Variants in CEP112 observed in about 807,000 individuals in gnomAD.
CEP112 encodes the protein centrosomal protein 112.
CEP112 carries 127 observed loss-of-function variants against 153.0 expected under a neutral mutation model. The observed-to-expected ratio is 0.83, with a 90% CI of 0.72 to 0.96. CEP112 has a LOEUF of 0.96. Ranked by LOEUF, CEP112 falls within the 40% of genes least tolerant of loss-of-function variation. CEP112 has a pLI of 0.00. For missense variants in CEP112, 1,089 were observed against 1,101.2 expected, an observed-to-expected ratio of 0.99 and a Z score of 0.16; for synonymous variants, 358 against 374.4, an observed-to-expected ratio of 0.96 and a Z score of 0.51.
rs2056652022 is a variant in CEP112 at position 65,822,763 on chromosome 17, T to C, written c.2394+29041A>G. On this transcript the variant is annotated intron_variant, in intron 21 of 26. Transcript: ENST00000535342. Reference sequence around the variant, plus strand: ...GTGAAAAATAAAATATGTTGACATATGTGGCATAATTAAAATTAATCCTTC... The same window carrying C: ...GTGAAAAATAAAATATGTTGACATACGTGGCATAATTAAAATTAATCCTTC... Among the ~76,000 whole-genome samples, 5 of 152,190 alleles carry C rather than the reference T, an allele frequency of 3.3e-5. No homozygotes were observed. In the South Asian group the frequency reaches 8.3e-4, roughly 25 times the overall value.
chr17:65,820,755 C>T (rs1442993132), intron 21 of CEP112, among the ~76,000 whole-genome samples: 1 of 151,898 alleles, frequency 6.6e-6, no homozygotes, highest in East Asian at 1.9e-4. Flanking sequence ...AAATAACAGG[C>T]CTAAATTTAT....
intron 18 of CEP112, among the ~76,000 whole-genome samples, chr17:65,937,628 C>A (rs1426594149): frequency 3.0e-5 from 3 of 99,724 alleles, no homozygotes; most frequent in Non-Finnish European, 4.2e-5. Context: ...GGGGGGTCAG[C>A]CCCCCGCCCG....
chr17:66,168,463 G>GTGTGTATATATGTATATA (rs2072087778), intron 4 of CEP112, among the ~76,000 whole-genome samples: 2 of 78,682 alleles, frequency 2.5e-5, no homozygotes, highest in Admixed American at 2.5e-4. Context: ...ATATGTATAT[G>GTGTGTATATATGTATATA]TGTGTGTATA....
At chr17:65,683,425 T>A (rs2047625819) in intron 24 of CEP112, among the ~76,000 whole-genome samples, 2 of 152,222 alleles carry the variant, frequency 1.3e-5, no homozygotes, top group Non-Finnish European at 1.5e-5. Flanking sequence ...AAAAAAATAC[T>A]GAGCAGAAAA....
intron 13 of CEP112, 108 bp downstream of exon 13, chr17:66,029,761 T>C: frequency 4.4e-6 from 4 of 904,732 alleles, no homozygotes; most frequent in Non-Finnish European, 6.6e-6. Flanking sequence ...GATTAGAAAC[T>C]TCCCAAGGCT....
At chr17:66,044,573 G>C (rs909809264) in intron 12 of CEP112, among the ~76,000 whole-genome samples, 1 of 152,110 alleles carries the variant, frequency 6.6e-6, no homozygotes, top group Non-Finnish European at 1.5e-5. Flanking sequence ...AACATGAATG[G>C]ACCATAATGA....
At chr17:65,698,038 GT>G (rs1215428931) in intron 23 of CEP112, among the ~76,000 whole-genome samples, 3 of 150,846 alleles carry the variant, frequency 2.0e-5, no homozygotes, top group African/African-American at 7.3e-5. Context: ...CAGGTTTTCA[GT>G]TTTTTTTCAC....
intron 1 of CEP112, among the ~76,000 whole-genome samples, chr17:66,187,438 T>A (rs1164104253): frequency 6.6e-6 from 1 of 152,178 alleles, no homozygotes; most frequent in East Asian, 1.9e-4. Flanking sequence ...AATTGCCAAA[T>A]CCAAAGGGCT....
At chr17:65,657,044 C>T (rs2046098422) in intron 24 of CEP112, among the ~76,000 whole-genome samples, 1 of 152,190 alleles carries the variant, frequency 6.6e-6, no homozygotes, top group African/African-American at 2.4e-5. Context: ...CGGAGGCAAA[C>T]ACCAGGGCCT....
chr17:66,070,384 TTTTA>T (rs1278957116), intron 8 of CEP112, among the ~76,000 whole-genome samples: 1 of 152,276 alleles, frequency 6.6e-6, no homozygotes, highest in East Asian at 1.9e-4. Flanking sequence ...TCTTCCAACC[TTTTA>T]TTTTTTTTTC....
At chr17:65,857,194 G>A (rs1206560880) in intron 20 of CEP112, among the ~76,000 whole-genome samples, 8 of 152,052 alleles carry the variant, frequency 5.3e-5, no homozygotes, top group African/African-American at 1.9e-4. Flanking sequence ...CCTCTTTTCT[G>A]CTTATCACTA....
intron 24 of CEP112, chr17:65,688,841 C>T (rs955091395): frequency 7.7e-6 from 2 of 258,382 alleles, no homozygotes; most frequent in African/African-American, 4.5e-5. Context: ...GATCTCGGCT[C>T]ACTGCAACCT....
At chr17:65,818,807 A>G (rs1273672025) in intron 21 of CEP112, among the ~76,000 whole-genome samples, 1 of 151,944 alleles carries the variant, frequency 6.6e-6, no homozygotes, top group African/African-American at 2.4e-5. Flanking sequence ...ATTTCACAAA[A>G]CAATACAGTT....
At chr17:66,054,901 C>A (rs898242151) in intron 11 of CEP112, among the ~76,000 whole-genome samples, 2 of 152,042 alleles carry the variant, frequency 1.3e-5, no homozygotes, top group African/African-American at 4.8e-5. Context: ...GGATCAAAGG[C>A]AGCCGCCAAA....
chr17:66,066,813 T>G lies in CEP112; in HGVS notation c.920A>C (p.Glu307Ala). The G allele has an allele frequency of 6.4e-7, 1 of 1,555,836 alleles. No homozygotes were observed. The highest frequency in any genetic ancestry group is 1.2e-5 in the South Asian group (1 of 82,444). ...AAGCTTTCTAATAGTCTCTTCAGTTTCATGTTGTTTACTCCTGTATAAAGT... is the reference window on the plus strand; with the variant it reads ...AAGCTTTCTAATAGTCTCTTCAGTTGCATGTTGTTTACTCCTGTATAAAGT... ...LKTLYRSKQH[E>A]TEETIRKLEK... Residue 307 changes from glutamate (E) to alanine (A), a missense_variant, in exon 10 of 27, where the codon GAA (glutamate) becomes GCA (alanine). Coordinates refer to ENST00000535342, the MANE Select transcript of CEP112 (RefSeq NM_001199165.4).
intron 25 of CEP112, among the ~76,000 whole-genome samples, chr17:65,640,152 A>AT (rs1246755697): frequency 4.4e-5 from 3 of 68,674 alleles, no homozygotes; most frequent in South Asian, 4.0e-4. Context: ...ATATATATAT[A>AT]TATTTTTTTT....
chr17:66,033,256 A>T (rs1488661385), intron 12 of CEP112, among the ~76,000 whole-genome samples: 1 of 135,892 alleles, frequency 7.4e-6, no homozygotes, highest in Non-Finnish European at 1.6e-5. Flanking sequence ...ATGACATACA[A>T]GAAAACTATA....
chr17:65,761,074 G>GTAAGGTATCACCA (rs2052588299), intron 21 of CEP112, among the ~76,000 whole-genome samples: 1 of 151,784 alleles, frequency 6.6e-6, no homozygotes, highest in African/African-American at 2.4e-5. Flanking sequence ...ATACTCGTGG[G>GTAAGGTATCACCA]CTCTTTAGTG....
At chr17:65,723,060 G>A (rs1394446588) in intron 23 of CEP112, among the ~76,000 whole-genome samples, 3 of 152,206 alleles carry the variant, frequency 2.0e-5, no homozygotes, top group Admixed American at 2.0e-4. Flanking sequence ...ACACCATACA[G>A]TGTGTTCCGA....
Sources: allele counts gnomAD v4.1 joint callset (sites outside exome capture counted in the v4.1 genomes callset), GRCh38; gene constraint gnomAD v4.1.1; transcripts MANE v1.5; gene names NCBI Gene and HGNC (gene_info 2026-07-23, HGNC 2026-07-21).